The following FOXN3 variants were observed in gnomAD, a reference collection of about 807,000 sequenced individuals.
FOXN3 encodes forkhead box N3, also known as forkhead box protein N3.
In FOXN3, 7 loss-of-function variants were observed where a neutral mutation model predicts 38.4. The ratio of observed to expected loss-of-function variants is 0.18; its 90% CI spans 0.10 to 0.34. The LOEUF (loss-of-function observed/expected upper bound fraction) is 0.34. Among genes scored for constraint, FOXN3 ranks in the 10% least tolerant of loss-of-function variants. The pLI, the probability that FOXN3 is intolerant of heterozygous loss-of-function variation, is 1.00. For synonymous variants in FOXN3, 230 were observed against 242.2 expected, an observed-to-expected ratio of 0.95 and a Z score of 0.47; for missense variants, 456 against 613.4, an observed-to-expected ratio of 0.74 and a Z score of 2.71.
intron 1 of FOXN3, among the ~76,000 whole-genome samples, chr14:89,425,162 C>T (rs1014332631): frequency 3.5e-5 from 5 of 144,860 alleles, no homozygotes; most frequent in Non-Finnish European, 7.5e-5. Flanking sequence ...CCTCCCGGGT[C>T]CTGGTTCAAG....
At chr14:89,414,066 T>C (rs12881796) in intron 1 of FOXN3, among the ~76,000 whole-genome samples, 152,180 of 152,192 alleles carry the variant, frequency 1, 76,084 homozygotes, top group Middle Eastern at 1. Context: ...TATAATCCCA[T>C]CACTTTGGGA....
chr14:89,558,868 C>T (rs1445161639), intron 1 of FOXN3, among the ~76,000 whole-genome samples: 1 of 152,182 alleles, frequency 6.6e-6, no homozygotes, highest in East Asian at 1.9e-4. Context: ...TTGTTATTAG[C>T]TGACTGAGAC....
chr14:89,546,404 G>A (rs1241433760), intron 1 of FOXN3, among the ~76,000 whole-genome samples: 1 of 121,668 alleles, frequency 8.2e-6, no homozygotes, highest in Admixed American at 1.1e-4. Context: ...ATCTCGGCTC[G>A]CTGCAAGCTC....
At chr14:89,386,533 A>G (rs1890794230) in intron 2 of FOXN3, among the ~76,000 whole-genome samples, 1 of 152,232 alleles carries the variant, frequency 6.6e-6, no homozygotes, top group South Asian at 2.1e-4. Context: ...GGTTTTGAGA[A>G]TTGAGAGATT....
At chr14:89,184,591 G>A (rs1048511428) in intron 4 of FOXN3, among the ~76,000 whole-genome samples, 8 of 152,254 alleles carry the variant, frequency 5.3e-5, no homozygotes, top group African/African-American at 1.9e-4. Flanking sequence ...GGTTAAGAGT[G>A]TGAGCTCTGA....
intron 1 of FOXN3, among the ~76,000 whole-genome samples, chr14:89,538,358 C>T (rs897097405): frequency 1.9e-4 from 29 of 152,248 alleles, no homozygotes; most frequent in Middle Eastern, 3.4e-3. Flanking sequence ...AAACGAAGGC[C>T]TCTGGGGAGG....
At chr14:89,266,621 C>T (rs1227515003) in intron 4 of FOXN3, among the ~76,000 whole-genome samples, 1 of 152,152 alleles carries the variant, frequency 6.6e-6, no homozygotes, top group Non-Finnish European at 1.5e-5. Context: ...AAACTCCAGC[C>T]TCAAGGAGAT....
intron 3 of FOXN3, among the ~76,000 whole-genome samples, chr14:89,333,515 C>A (rs1452578070): frequency 6.6e-6 from 1 of 151,812 alleles, no homozygotes; most frequent in Non-Finnish European, 1.5e-5. Context: ...GTGGCTCATG[C>A]CTGTAATCCC....
intron 1 of FOXN3, among the ~76,000 whole-genome samples, chr14:89,467,804 GTT>G (rs68132432): frequency 6.5e-3 from 369 of 56,590 alleles, no homozygotes; most frequent in African/African-American, 0.024. Context: ...TTCTTTCTTT[GTT>G]TTTTTTTTTT....
At chr14:89,375,116 C>G (rs908832020) in intron 2 of FOXN3, among the ~76,000 whole-genome samples, 1 of 152,102 alleles carries the variant, frequency 6.6e-6, no homozygotes, top group Non-Finnish European at 1.5e-5. Flanking sequence ...AGGAGATTGA[C>G]TTGACTACAA....
intron 4 of FOXN3, among the ~76,000 whole-genome samples, chr14:89,214,488 C>T (rs1173549109): frequency 1.3e-5 from 2 of 152,252 alleles, no homozygotes; most frequent in Admixed American, 6.5e-5. Flanking sequence ...ATGCCACTCA[C>T]TCCGAATCAG....
chr14:89,302,805 C>T (rs922373927), intron 3 of FOXN3, among the ~76,000 whole-genome samples: 4 of 152,096 alleles, frequency 2.6e-5, no homozygotes, highest in African/African-American at 9.7e-5. Flanking sequence ...CACCTCCACC[C>T]TCTTCAAAGG....
In FOXN3 at chr14:89,465,760, G is replaced by T. The variant is rs1344224289; in HGVS notation, c.-14-53270C>A. ...CATCCTCTCCAATTGATGAAGATTTGTTCTTAATCATTGACTGAGGGAGAA... is the reference window on the plus strand; with the variant it reads ...CATCCTCTCCAATTGATGAAGATTTTTTCTTAATCATTGACTGAGGGAGAA... On this transcript the variant is annotated intron_variant, in intron 1 of 6. Coordinates refer to the FOXN3 transcript ENST00000345097. Among the ~76,000 whole-genome samples, 22 of 152,086 alleles carry T rather than the reference G, an allele frequency of 1.4e-4. 1 individual carries two copies. The highest frequency in any genetic ancestry group is 1.4e-3 in the Admixed American group (22 of 15,260).
At chr14:89,337,834 T>C (rs1012867653) in intron 3 of FOXN3, among the ~76,000 whole-genome samples, 3 of 152,280 alleles carry the variant, frequency 2.0e-5, no homozygotes, top group African/African-American at 7.2e-5. Context: ...TTCACCATGT[T>C]GGCCAGGCTG....
intron 1 of FOXN3, among the ~76,000 whole-genome samples, chr14:89,493,089 A>G (rs976940852): frequency 3.9e-5 from 6 of 152,250 alleles, no homozygotes; most frequent in Admixed American, 6.5e-5. Flanking sequence ...AGCTGTCTGC[A>G]TCGCTTTTTC....
At chr14:89,615,945 T>C (rs916936370) in intron 1 of FOXN3, among the ~76,000 whole-genome samples, 2 of 152,196 alleles carry the variant, frequency 1.3e-5, no homozygotes, top group African/African-American at 2.4e-5. Flanking sequence ...AAAGACCAAA[T>C]TGTTAATTGA....
chr14:89,290,388 G>A, intron 3 of FOXN3: 1 of 363,844 alleles, frequency 2.7e-6, no homozygotes, highest in Non-Finnish European at 5.4e-6. Flanking sequence ...AGTGGAAATT[G>A]CTGGTACTCT....
At chr14:89,552,982 T>C (rs7153622) in intron 1 of FOXN3, among the ~76,000 whole-genome samples, 5,684 of 151,914 alleles carry the variant, frequency 0.037, 333 homozygotes, top group African/African-American at 0.13. Flanking sequence ...TATGAGAAAA[T>C]TGTCAAGACA....
At chr14:89,295,424 C>T (rs1408142932) in intron 3 of FOXN3, among the ~76,000 whole-genome samples, 2 of 152,182 alleles carry the variant, frequency 1.3e-5, no homozygotes, top group African/African-American at 2.4e-5. Context: ...CCTTGGCAGA[C>T]GTCACGTGAG....
Sources: allele counts gnomAD v4.1 joint callset (sites outside exome capture counted in the v4.1 genomes callset), GRCh38; gene constraint gnomAD v4.1.1; transcripts MANE v1.5; gene names NCBI Gene and HGNC (gene_info 2026-07-23, HGNC 2026-07-21).